HDAC4: variants seen among roughly 807,000 people sequenced by gnomAD.
The protein encoded by HDAC4 is histone deacetylase A.
In HDAC4, 16 loss-of-function variants were observed where a neutral mutation model predicts 135.1. The observed-to-expected ratio is 0.12, with a 90% CI of 0.08 to 0.18. HDAC4 has a LOEUF of 0.18. Ranked by LOEUF, HDAC4 falls within the 10% of genes least tolerant of loss-of-function variation. The probability of loss-of-function intolerance (pLI) is 1.00; values close to 1 mark genes in which losing one functional copy is unlikely to be tolerated. For synonymous variants in HDAC4, 685 were observed against 653.4 expected (o/e 1.05, Z -0.74); for missense variants, 1,143 against 1,511.8 (o/e 0.76, Z 4.05).
intron 8 of HDAC4, among the ~76,000 whole-genome samples, chr2:239,142,421 G>A (rs2041444954): frequency 6.6e-6 from 1 of 152,164 alleles, no homozygotes; most frequent in Non-Finnish European, 1.5e-5. Context: ...GCAGCTCCCT[G>A]GTACCAGTGC....
chr2:239,074,334 C>A (rs1289192599), intron 22 of HDAC4, among the ~76,000 whole-genome samples: 3 of 152,254 alleles, frequency 2.0e-5, no homozygotes, highest in African/African-American at 4.8e-5. Context: ...TGCTTTGCAG[C>A]GAGCGCACGT....
chr2:239,317,033 C>T (rs1352243782), intron 2 of HDAC4, among the ~76,000 whole-genome samples: 1 of 152,130 alleles, frequency 6.6e-6, no homozygotes, highest in South Asian at 2.1e-4. Context: ...GTGGGGTGTG[C>T]GTAAGAGCTT....
intron 1 of HDAC4, among the ~76,000 whole-genome samples, chr2:239,376,048 T>TG (rs1399447996): frequency 6.6e-6 from 1 of 152,278 alleles, no homozygotes; most frequent in Non-Finnish European, 1.5e-5. Flanking sequence ...TGGCAGGTTC[T>TG]GGGCAATGAT....
Position 239,068,846 on chromosome 2 carries a change from C to T in HDAC4, c.2751-239G>A, listed in dbSNP as rs1031014855. The T allele has an allele frequency of 6.6e-5, 37 of 561,142 alleles. No individual in the cohort carries two copies. The highest frequency in any genetic ancestry group is 2.7e-4 in the Middle Eastern group (1 of 3,686). 34.8% of individuals were successfully genotyped at this position (561,142 alleles called of 1,614,324 possible). A position where few individuals can be genotyped will look rare whatever the true frequency, so the allele number is the denominator to read the frequency against. On this transcript the variant is annotated intron_variant, in intron 22 of 26. Coordinates refer to ENST00000543185, the MANE Select transcript of HDAC4 (RefSeq NM_001378414.1). The surrounding 1 kb of genome is among the most constrained non-coding windows in gnomAD (Gnocchi z 4.4). ...TCACAGTGCAAGCCAGCAAGCCCCA[C>T]GACACTTGCTTGGTGAGAGGGAGTC...
In HDAC4 at chr2:239,111,452, C is replaced by T. The variant is rs574669362; in HGVS notation, c.1978+74G>A. On this transcript the variant is annotated intron_variant, in intron 14 of 26. Transcript: ENST00000543185. ...CTCCTCAGCCTCTGCAGAGCTGGGCCGGGAAGAGCCCCCCGCGCTGTGCCC... is the reference window on the plus strand; with the variant it reads ...CTCCTCAGCCTCTGCAGAGCTGGGCTGGGAAGAGCCCCCCGCGCTGTGCCC... 2.2e-5 allele frequency: 31 copies of T among 1,434,680 alleles called. No individual in the cohort carries two copies. The Middle Eastern group carries it at 7.2e-4, about 34-fold the overall frequency. The allele number at this position is 1,434,680 out of a possible 1,614,324, so 88.9% of individuals were successfully genotyped here. A position where few individuals can be genotyped will look rare whatever the true frequency, so the allele number is the denominator to read the frequency against.
At chr2:239,367,978 AAAAT>A (rs578057387) in intron 1 of HDAC4, among the ~76,000 whole-genome samples, 3 of 152,054 alleles carry the variant, frequency 2.0e-5, no homozygotes, top group African/African-American at 4.8e-5. Context: ...ACTCCGTCTC[AAAAT>A]AAATAAATAA....
intron 2 of HDAC4, among the ~76,000 whole-genome samples, chr2:239,260,520 G>A (rs922365887): frequency 6.6e-6 from 1 of 152,072 alleles, no homozygotes; most frequent in Admixed American, 6.5e-5. Context: ...GCCCCAAACC[G>A]GCCTGCTGGC....
chr2:239,388,018 AC>A (rs1340203630), intron 1 of HDAC4, among the ~76,000 whole-genome samples: 2 of 152,190 alleles, frequency 1.3e-5, no homozygotes, highest in African/African-American at 4.8e-5. Flanking sequence ...GCAGGGACTA[AC>A]GGACCACACG....
intron 1 of HDAC4, among the ~76,000 whole-genome samples, chr2:239,393,323 A>C (rs942307425): frequency 5.3e-5 from 8 of 152,226 alleles, no homozygotes; most frequent in African/African-American, 1.2e-4. Context: ...TCCATCACCC[A>C]GCTGGAGCCA....
Position 239,303,264 on chromosome 2 carries a change from C to T in HDAC4, c.22+49414G>A, listed in dbSNP as rs779946621. Among the ~76,000 whole-genome samples, 18 of 152,364 alleles carry T rather than the reference C, an allele frequency of 1.2e-4. No homozygotes were observed. The highest frequency in any genetic ancestry group is 2.4e-4 in the African/African-American group (10 of 41,588). ...TGGAGGACAAGGTCCCTGGAATCCCCGACAGCTTGACAATGTGAAATAAGT... is the reference window on the plus strand; with the variant it reads ...TGGAGGACAAGGTCCCTGGAATCCCTGACAGCTTGACAATGTGAAATAAGT... On this transcript the variant is annotated intron_variant, in intron 2 of 26. Transcript: ENST00000543185. This position sits in a 1 kb window ranked among gnomAD's most constrained non-coding sequence, Gnocchi z 5.1.
intron 2 of HDAC4, among the ~76,000 whole-genome samples, chr2:239,317,777 C>T (rs140090126): frequency 6.6e-5 from 10 of 152,338 alleles, no homozygotes; most frequent in East Asian, 1.9e-4. Context: ...TTTAAGCCAA[C>T]GACAGAGGGT....
chr2:239,313,328 T>C lies in HDAC4; in HGVS notation c.22+39350A>G, dbSNP rs138168805. Among the ~76,000 whole-genome samples the C allele has an allele frequency of 2.5e-3, 383 of 152,204 alleles. 3 individuals carry two copies. The highest frequency in any genetic ancestry group is 0.016 in the South Asian group (79 of 4,818). On this transcript the variant is annotated intron_variant, in intron 2 of 26. Transcript: ENST00000543185. This position sits in a 1 kb window ranked among gnomAD's most constrained non-coding sequence, Gnocchi z 5.1. Reference sequence around the variant, plus strand: ...GTCCCTGCAGCAGCCAGGGACTAATTTTAGAAGGGGCTTTGAGGAGAAACC... The same window carrying C: ...GTCCCTGCAGCAGCCAGGGACTAATCTTAGAAGGGGCTTTGAGGAGAAACC...
intron 11 of HDAC4, among the ~76,000 whole-genome samples, chr2:239,127,454 G>GAT (rs1460722753): frequency 6.6e-6 from 1 of 152,152 alleles, no homozygotes; most frequent in Non-Finnish European, 1.5e-5. Context: ...CGTTCATCGA[G>GAT]ATATATATAA....
At chr2:239,123,313 A>G (rs1035442696) in intron 12 of HDAC4, among the ~76,000 whole-genome samples, 1 of 151,854 alleles carries the variant, frequency 6.6e-6, no homozygotes, top group African/African-American at 2.4e-5. Context: ...TCCCGTCCCA[A>G]TGAGGGGATT....
intron 2 of HDAC4, chr2:239,298,697 A>C: frequency 3.7e-6 from 3 of 818,402 alleles, no homozygotes; most frequent in Non-Finnish European, 4.4e-6. Flanking sequence ...CGTGGAAATC[A>C]TGACACTCCA....
chr2:239,208,326 C>CCA (rs2046174065), intron 3 of HDAC4, among the ~76,000 whole-genome samples: 1 of 68,210 alleles, frequency 1.5e-5, no homozygotes, highest in African/African-American at 1.0e-4. Flanking sequence ...GACTCCGTCC[C>CCA]AAAAAAAAAA....
chr2:239,137,758 A>C (rs1005650662), intron 9 of HDAC4, among the ~76,000 whole-genome samples: 1 of 152,174 alleles, frequency 6.6e-6, no homozygotes, highest in African/African-American at 2.4e-5. Flanking sequence ...GTCCAACTCT[A>C]GAGATACTGA....
At chr2:239,137,062 A>G (rs1426858171) in intron 9 of HDAC4, among the ~76,000 whole-genome samples, 1 of 152,158 alleles carries the variant, frequency 6.6e-6, no homozygotes, top group Non-Finnish European at 1.5e-5. Flanking sequence ...CAAAATAAGG[A>G]GACGTTCTAA....
At chr2:239,106,822 C>G (rs1413346780) in intron 15 of HDAC4, among the ~76,000 whole-genome samples, 1 of 152,190 alleles carries the variant, frequency 6.6e-6, no homozygotes, top group Non-Finnish European at 1.5e-5. Context: ...GCCAGCTCCA[C>G]GTGCTCACTC....
Sources: gnomAD v4.1 joint callset for allele counts (sites outside exome capture counted in the v4.1 genomes callset) on GRCh38, gnomAD v4.1.1 for gene constraint, Gnocchi (gnomAD v3.1) non-coding constraint, MANE v1.5 for transcripts, NCBI Gene and HGNC (gene_info 2026-07-23, HGNC 2026-07-21) for gene names.